The following TBC1D9B variants were observed in gnomAD, a reference collection of about 807,000 sequenced individuals.
TBC1D9B encodes the protein TBC1 domain family, member 9B (with GRAM domain).
TBC1D9B carries 87 observed loss-of-function variants against 121.1 expected under a neutral mutation model. The observed-to-expected ratio is 0.72, with a 90% CI of 0.60 to 0.86. TBC1D9B has a LOEUF of 0.86. Among genes scored for constraint, TBC1D9B ranks in the 40% least tolerant of loss-of-function variants. The probability of loss-of-function intolerance (pLI) is 0.00; values close to 1 mark genes in which losing one functional copy is unlikely to be tolerated. For missense variants in TBC1D9B, 1,540 were observed against 1,628.6 expected (o/e 0.95, Z 0.94); for synonymous variants, 668 against 670.1 (o/e 1.00, Z 0.05).
Position 179,862,348 on chromosome 5 carries a change from C to A in TBC1D9B, c.*1100G>T, listed in dbSNP as rs1034846860. The A allele has an allele frequency of 1.2e-5, 4 of 327,400 alleles. No individual in the cohort carries two copies. The highest frequency in any genetic ancestry group is 3.7e-5 in the Admixed American group (1 of 26,754). 20.3% of individuals were successfully genotyped at this position (327,400 alleles called of 1,614,324 possible). A position where few individuals can be genotyped will look rare whatever the true frequency, so the allele number is the denominator to read the frequency against. ...CACTGGTCAGTTTCAGCTCCTCATGCAAAGTGAGGGTATCCTTGTGGCTCC... is the reference window on the plus strand; with the variant it reads ...CACTGGTCAGTTTCAGCTCCTCATGAAAAGTGAGGGTATCCTTGTGGCTCC... On this transcript the variant is annotated 3_prime_UTR_variant, in exon 21 of 21. Coordinates refer to ENST00000355235, the MANE Select transcript of TBC1D9B (RefSeq NM_015043.4).
In TBC1D9B at chr5:179,879,051, GAA is replaced by G; in HGVS notation, c.1561_1562del (p.Phe521LeufsTer6). On this transcript the variant is annotated frameshift_variant, in exon 9 of 21. Coordinates refer to ENST00000355235, the MANE Select transcript of TBC1D9B (RefSeq NM_015043.4). LOFTEE classifies it high-confidence loss of function. ...ESLRGELWLLFSGAWNEMVTH... is the reference protein window; with the variant it reads ...ESLRGELWLLXSGAWNEMVTH... ...GGGTGGCTGCACCCCACTCACCGGA[GAA>G]GAGGAGCCACAGCTCTCCCCGGAGG... is the stretch of plus-strand genomic sequence containing the variant. 6.2e-7 allele frequency: 1 copy of G among 1,602,120 alleles called. No homozygotes were observed. Among genetic ancestry groups the G allele is most frequent in the Non-Finnish European group, 8.5e-7 (1 of 1,179,812 alleles).
rs551270511 is a variant in TBC1D9B, at chr5:179,885,015, C to T, written c.1254+3088G>A. 8.5e-5 allele frequency among the ~76,000 whole-genome samples: 13 copies of T among 152,158 alleles called. No homozygotes were observed. The highest frequency in any genetic ancestry group is 8.5e-4 in the Admixed American group (13 of 15,282). On this transcript the variant is annotated intron_variant, in intron 7 of 20. Transcript: ENST00000355235. This position sits in a 1 kb window ranked among gnomAD's most constrained non-coding sequence, Gnocchi z 4.5. ...CACAATAGCGTCTCCTGAATCTGAC[C>T]CCTTCTTACACCTACACTGTTCCTA...
chr5:179,863,727 C>T lies in TBC1D9B; in HGVS notation c.3423G>A (p.Ser1141=), dbSNP rs371224568. 57 of 1,613,668 alleles carry T rather than the reference C, an allele frequency of 3.5e-5. No homozygotes were observed. The highest frequency in any genetic ancestry group is 1.9e-4 in the South Asian group (17 of 91,078). Residue 1141 remains serine, a synonymous_variant, in exon 21 of 21, where the codon TCG becomes TCA. Transcript: ENST00000355235. The surrounding 1 kb of genome is among the most constrained non-coding windows in gnomAD (Gnocchi z 4.5). ...ATTGCAGGGAGCCCGTGCTGACCAC[C>T]GAGTAGGAGGACATGGACATGTCGT... ...TKDDMSMSSY[S]VVSTGSLQCE... is the part of the protein sequence containing the mutation.
chr5:179,907,724 C>A lies in TBC1D9B; in HGVS notation c.98G>T (p.Gly33Val). The part of the protein sequence containing the change: ...FFVLQRRRGH[G>V]RGGGLTGLLV... ...CTCACCCGTAAGGCCGCCGCCCCTG[C>A]CGTGGCCCCGGCGTCGCTGCAGCAC... The change falls in exon 1 of 21, where the codon GGC becomes GTC. Residue 33 changes from glycine to valine, a missense_variant. Physicochemically the swap from Gly to Val is moderately radical, Grantham distance 109 (BLOSUM62 -3). Coordinates refer to ENST00000355235, the MANE Select transcript of TBC1D9B (RefSeq NM_015043.4). This position sits in a 1 kb window ranked among gnomAD's most constrained non-coding sequence, Gnocchi z 5.3. 8.4e-7 allele frequency: 1 copy of A among 1,183,540 alleles called. No individual in the cohort carries two copies. Among genetic ancestry groups the A allele is most frequent in the Non-Finnish European group, 1.1e-6 (1 of 931,776 alleles). 73.3% of individuals were successfully genotyped at this position (1,183,540 alleles called of 1,614,324 possible).
intron 2 of TBC1D9B, among the ~76,000 whole-genome samples, chr5:179,903,602 C>A (rs1054136698): frequency 2.0e-5 from 3 of 152,202 alleles, no homozygotes; most frequent in African/African-American, 7.2e-5. Flanking sequence ...AACTGTTTTA[C>A]ATGTGTTTCT....
rs574373120 is a variant in TBC1D9B, at chr5:179,865,714, C to T, written c.2914+124G>A. ...TGCATCCCGAGGCCTGCTCCCTGAT[C>T]GGGGGACGCATCCGCCATCTCCCGG... On this transcript the variant is annotated intron_variant, in intron 19 of 20. Transcript: ENST00000355235. This position sits in a 1 kb window ranked among gnomAD's most constrained non-coding sequence, Gnocchi z 5.1. 24 of 1,116,622 alleles carry T rather than the reference C, an allele frequency of 2.1e-5. No homozygotes were observed. The highest frequency in any genetic ancestry group is 1.3e-4 in the African/African-American group (8 of 63,918). The allele number at this position is 1,116,622 out of a possible 1,614,324, so 69.2% of individuals were successfully genotyped here. A position where few individuals can be genotyped will look rare whatever the true frequency, so the allele number is the denominator to read the frequency against.
At position 179,863,595 on chromosome 5, in the gene TBC1D9B, C is replaced by G; in HGVS notation, c.3555G>C (p.Gln1185His). 1 of 1,614,188 alleles carries G rather than the reference C, an allele frequency of 6.2e-7. No individual in the cohort carries two copies. Among genetic ancestry groups the G allele is most frequent in the African/African-American group, 1.3e-5 (1 of 75,074 alleles). The change falls in exon 21 of 21, where the codon CAG (glutamine) becomes CAC (histidine). Residue 1185 changes from glutamine (Q) to histidine (H), a missense_variant. Transcript: ENST00000355235. The surrounding 1 kb of genome is among the most constrained non-coding windows in gnomAD (Gnocchi z 4.5). ...ACTCCGTCAGGATGGAGGCCAGGATCTGCTCAAAGGAGATGCACCAGTCGG... is the reference window on the plus strand; with the variant it reads ...ACTCCGTCAGGATGGAGGCCAGGATGTGCTCAAAGGAGATGCACCAGTCGG... ...VDTDWCISFE[Q>H]ILASILTESV...
At chr5:179,906,981 G>A (rs1470609895) in intron 1 of TBC1D9B, among the ~76,000 whole-genome samples, 1 of 152,170 alleles carries the variant, frequency 6.6e-6, no homozygotes, top group Non-Finnish European at 1.5e-5. Flanking sequence ...CGGAGGGAGT[G>A]GCCTGTGGGC....
intron 18 of TBC1D9B, chr5:179,867,230 T>C: frequency 1.9e-6 from 1 of 538,754 alleles, no homozygotes; most frequent in East Asian, 2.9e-5. Context: ...CTGGGCCTGC[T>C]TGGCGCCTAG....
intron 3 of TBC1D9B, 60 bp downstream of exon 3, chr5:179,899,129 T>TA (rs757213158): frequency 3.1e-4 from 439 of 1,394,654 alleles, no homozygotes; most frequent in Non-Finnish European, 3.7e-4. Flanking sequence ...AATAGGATAA[T>TA]ACACGAGAAC....
At chr5:179,896,765 C>T (rs1384628095) in intron 3 of TBC1D9B, among the ~76,000 whole-genome samples, 1 of 152,146 alleles carries the variant, frequency 6.6e-6, no homozygotes, top group African/African-American at 2.4e-5. Flanking sequence ...CTCAAGTGAT[C>T]CACCTGCCTT....
Position 179,907,781 on chromosome 5 carries a change from A to C in TBC1D9B, c.41T>G (p.Leu14Arg). 1 of 1,226,902 alleles carries C rather than the reference A, an allele frequency of 8.2e-7. No individual in the cohort carries two copies. The highest frequency in any genetic ancestry group is 1.0e-6 in the Non-Finnish European group (1 of 956,150). The allele number at this position is 1,226,902 out of a possible 1,614,324, so 76.0% of individuals were successfully genotyped here. ...GGGGTTGGCCCGCTCCGTCACCCACAGCGCATTGGCCACCAGCACCTCCTC... is the reference window on the plus strand; with the variant it reads ...GGGGTTGGCCCGCTCCGTCACCCACCGCGCATTGGCCACCAGCACCTCCTC... ...SPEEVLVANA[L>R]WVTERANPFF... The change falls in exon 1 of 21, where the codon CTG (leucine) becomes CGG (arginine). Residue 14 changes from leucine to arginine, a missense_variant. Coordinates refer to ENST00000355235, the MANE Select transcript of TBC1D9B (RefSeq NM_015043.4). The surrounding 1 kb of genome is among the most constrained non-coding windows in gnomAD (Gnocchi z 5.3).
intron 2 of TBC1D9B, among the ~76,000 whole-genome samples, chr5:179,903,192 G>A (rs983379505): frequency 2.9e-4 from 44 of 152,242 alleles, no homozygotes; most frequent in Non-Finnish European, 4.4e-5. Context: ...GCAGCTGTGT[G>A]ACTCTGAGCA....
In TBC1D9B at chr5:179,885,936, T is replaced by A. The variant is rs947191908; in HGVS notation, c.1254+2167A>T. 5.9e-5 allele frequency among the ~76,000 whole-genome samples: 9 copies of A among 152,222 alleles called. No individual in the cohort carries two copies. Among genetic ancestry groups the A allele is most frequent in the Non-Finnish European group, 7.3e-5 (5 of 68,030 alleles). On this transcript the variant is annotated intron_variant, in intron 7 of 20. Transcript: ENST00000355235. This position sits in a 1 kb window ranked among gnomAD's most constrained non-coding sequence, Gnocchi z 4.5. ...CTGCCACCTCTCTGGTCTCACCTCC[T>A]ACACCTGGTCAGTCTCCTAAGCCCT... is the stretch of plus-strand genomic sequence containing the variant.
intron 2 of TBC1D9B, among the ~76,000 whole-genome samples, chr5:179,903,309 C>G (rs747319658): frequency 1.3e-5 from 2 of 152,252 alleles, no homozygotes; most frequent in Admixed American, 1.3e-4. Context: ...GTGCCTGGCA[C>G]ACAGGAAGCA....
chr5:179,906,960 G>T (rs1490796403), intron 1 of TBC1D9B, among the ~76,000 whole-genome samples: 1 of 152,202 alleles, frequency 6.6e-6, no homozygotes, highest in Non-Finnish European at 1.5e-5. Context: ...AGGGGCCCCG[G>T]ACACCACCTG....
At chr5:179,880,534 G>A (rs1371840412) in intron 7 of TBC1D9B, among the ~76,000 whole-genome samples, 1 of 152,136 alleles carries the variant, frequency 6.6e-6, no homozygotes, top group Non-Finnish European at 1.5e-5. Context: ...CTCCACCCAG[G>A]GCTGGGGCAG....
Position 179,862,703 on chromosome 5 carries a change from G to C in TBC1D9B, c.*745C>G. The C allele has an allele frequency of 2.3e-6, 1 of 427,978 alleles. No homozygotes were observed. Among genetic ancestry groups the C allele is most frequent in the Non-Finnish European group, 4.9e-6 (1 of 203,876 alleles). 26.5% of individuals were successfully genotyped at this position (427,978 alleles called of 1,614,324 possible). A position where few individuals can be genotyped will look rare whatever the true frequency, so the allele number is the denominator to read the frequency against. The stretch of plus-strand genomic sequence containing the variant: ...GGAGAAGTTGGGAGGCCTAAGCAGT[G>C]GTTGGGGGCCACAGCAAGGCATTGC... On this transcript the variant is annotated 3_prime_UTR_variant, in exon 21 of 21. Coordinates refer to ENST00000355235, the MANE Select transcript of TBC1D9B (RefSeq NM_015043.4).
chr5:179,897,475 G>A (rs1393728414), intron 3 of TBC1D9B, among the ~76,000 whole-genome samples: 2 of 151,894 alleles, frequency 1.3e-5, no homozygotes, highest in East Asian at 1.9e-4. Context: ...ATGCCACCAC[G>A]CCCAGCTACT....
Sources: gnomAD v4.1 joint callset for allele counts (sites outside exome capture counted in the v4.1 genomes callset) on GRCh38, gnomAD v4.1.1 for gene constraint, Gnocchi (gnomAD v3.1) non-coding constraint, MANE v1.5 for transcripts, NCBI Gene and HGNC (gene_info 2026-07-23, HGNC 2026-07-21) for gene names.